AGBL1: variants seen among roughly 807,000 people sequenced by gnomAD.
AGBL1 encodes AGBL carboxypeptidase 1.
AGBL1 carries 130 observed loss-of-function variants against 118.9 expected under a neutral mutation model. That is an observed-to-expected ratio of 1.09 (90% CI 0.95 to 1.26). AGBL1 has a LOEUF of 1.26. Ranked by LOEUF, AGBL1 falls within the 50% of genes most tolerant of loss-of-function variation. The pLI, the probability that AGBL1 is intolerant of heterozygous loss-of-function variation, is 0.00. For missense variants in AGBL1, 1,584 were observed against 1,298.1 expected (o/e 1.22, Z -3.38); for synonymous variants, 555 against 478.9 (o/e 1.16, Z -2.08).
chr15:86,888,376 G>T (rs79597622), intron 22 of AGBL1, among the ~76,000 whole-genome samples: 1 of 149,628 alleles, frequency 6.7e-6, no homozygotes, highest in Admixed American at 6.7e-5. Flanking sequence ...AAAAAAAAAA[G>T]AATGCACCAA....
At chr15:86,628,509 A>C (rs892428116) in intron 21 of AGBL1, among the ~76,000 whole-genome samples, 1 of 152,150 alleles carries the variant, frequency 6.6e-6, no homozygotes, top group Admixed American at 6.5e-5. Flanking sequence ...CTTTAAAAAA[A>C]TTTTTGGCTG....
chr15:86,504,252 T>C (rs1008321773), intron 18 of AGBL1, among the ~76,000 whole-genome samples: 2 of 151,682 alleles, frequency 1.3e-5, no homozygotes, highest in East Asian at 1.9e-4. Flanking sequence ...TTCTTTTGGT[T>C]ACTGTTTGCA....
intron 21 of AGBL1, among the ~76,000 whole-genome samples, chr15:86,559,200 C>T (rs912257907): frequency 4.6e-5 from 7 of 152,266 alleles, no homozygotes; most frequent in Non-Finnish European, 1.0e-4. Context: ...AGGATGACCT[C>T]ATCTTAACTT....
chr15:86,299,413 G>T (rs1203759334), intron 17 of AGBL1, among the ~76,000 whole-genome samples: 2 of 152,134 alleles, frequency 1.3e-5, no homozygotes, highest in African/African-American at 4.8e-5. Flanking sequence ...GGGCAGTTAG[G>T]AAGCCCAGGC....
At chr15:86,429,978 A>G (rs1024560808) in intron 18 of AGBL1, among the ~76,000 whole-genome samples, 3 of 152,214 alleles carry the variant, frequency 2.0e-5, no homozygotes, top group Non-Finnish European at 2.9e-5. Flanking sequence ...GCACAATGGA[A>G]TAGAGCCTAT....
chr15:86,682,656 A>G (rs994704871), intron 22 of AGBL1, among the ~76,000 whole-genome samples: 3 of 152,158 alleles, frequency 2.0e-5, no homozygotes, highest in Non-Finnish European at 4.4e-5. Context: ...TATAAATAGT[A>G]CTTATTTCTC....
chr15:86,654,889 A>T (rs908564871), intron 21 of AGBL1, among the ~76,000 whole-genome samples: 9 of 152,264 alleles, frequency 5.9e-5, no homozygotes, highest in African/African-American at 2.2e-4. Flanking sequence ...CCAGGCACCG[A>T]GAGATTGCCA....
At chr15:86,210,913 T>G (rs906865575) in intron 5 of AGBL1, among the ~76,000 whole-genome samples, 7 of 152,218 alleles carry the variant, frequency 4.6e-5, no homozygotes, top group Non-Finnish European at 1.5e-5. Context: ...TTTTTAGAAT[T>G]TTCAGCTTTT....
In AGBL1 at chr15:86,728,204, C is replaced by T. The variant is rs529993890; in HGVS notation, c.3158+53768C>T. 7.2e-5 allele frequency among the ~76,000 whole-genome samples: 11 copies of T among 152,244 alleles called. No homozygotes were observed. The East Asian group carries it at 1.9e-3, about 27-fold the overall frequency. ...GTGAGGTCCAGCAAAACTAAGTAACCGTACCACAGTTACCCAGGAAATACA... is the reference window on the plus strand; with the variant it reads ...GTGAGGTCCAGCAAAACTAAGTAACTGTACCACAGTTACCCAGGAAATACA... On this transcript the variant is annotated intron_variant, in intron 22 of 22. Coordinates refer to ENST00000614907, the MANE Select transcript of AGBL1 (RefSeq NM_001386094.1).
At chr15:86,198,286 G>A (rs1196988204) in intron 5 of AGBL1, among the ~76,000 whole-genome samples, 2 of 152,140 alleles carry the variant, frequency 1.3e-5, no homozygotes, top group African/African-American at 4.8e-5. Flanking sequence ...TGAGCTCACA[G>A]CTATGGAGAA....
At chr15:86,130,293 C>T (rs117239990) in intron 1 of AGBL1, among the ~76,000 whole-genome samples, 1,933 of 152,176 alleles carry the variant, frequency 0.013, 25 homozygotes, top group East Asian at 0.061. Flanking sequence ...GCCACACTGT[C>T]AAAAATGGAA....
intron 18 of AGBL1, among the ~76,000 whole-genome samples, chr15:86,427,336 G>A (rs2081879124): frequency 6.6e-6 from 1 of 152,146 alleles, no homozygotes; most frequent in African/African-American, 2.4e-5. Flanking sequence ...ATGAATATTA[G>A]GGTCTTTCAT....
In AGBL1 at chr15:86,428,951, G is replaced by T. The variant is rs116260228; in HGVS notation, c.2555+31405G>T. Among the ~76,000 whole-genome samples the T allele has an allele frequency of 2.9e-3, 446 of 152,348 alleles. 3 individuals are homozygous for T. Among genetic ancestry groups the T allele is most frequent in the African/African-American group, 0.01 (420 of 41,588 alleles). On this transcript the variant is annotated intron_variant, in intron 18 of 22. Coordinates refer to ENST00000614907, the MANE Select transcript of AGBL1 (RefSeq NM_001386094.1). ...GATTCCATGGTGTGTCCCTGACGAGGTGGTGTCTTTGGGACCAGTGCTACT... is the reference window on the plus strand; with the variant it reads ...GATTCCATGGTGTGTCCCTGACGAGTTGGTGTCTTTGGGACCAGTGCTACT...
chr15:86,577,748 G>A lies in AGBL1; in HGVS notation c.2994+23211G>A, dbSNP rs575857787. Among the ~76,000 whole-genome samples, 4 of 152,320 alleles carry A rather than the reference G, an allele frequency of 2.6e-5. No homozygotes were observed. In the East Asian group the frequency reaches 7.7e-4, roughly 29 times the overall value. On this transcript the variant is annotated intron_variant, in intron 21 of 22. Coordinates refer to ENST00000614907, the MANE Select transcript of AGBL1 (RefSeq NM_001386094.1). ...TGTGGCTGAAAGGGGCCAACATAGAGCTCGGGCCATGGCTTCAGAGGGTGC... is the reference window on the plus strand; with the variant it reads ...TGTGGCTGAAAGGGGCCAACATAGAACTCGGGCCATGGCTTCAGAGGGTGC...
chr15:86,627,983 G>C (rs189456347), intron 21 of AGBL1, among the ~76,000 whole-genome samples: 1 of 152,318 alleles, frequency 6.6e-6, no homozygotes, highest in Middle Eastern at 3.4e-3. Flanking sequence ...ACACAGACAC[G>C]GGGCTGTTTA....
chr15:86,456,141 C>G (rs1327697393), intron 18 of AGBL1, among the ~76,000 whole-genome samples: 1 of 152,108 alleles, frequency 6.6e-6, no homozygotes, highest in Non-Finnish European at 1.5e-5. Flanking sequence ...GAAACTGTTC[C>G]TCTAGATTAA....
At chr15:86,970,332 T>C (rs1182949877) in intron 23 of AGBL1, among the ~76,000 whole-genome samples, 1 of 151,828 alleles carries the variant, frequency 6.6e-6, no homozygotes, top group African/African-American at 2.4e-5. Flanking sequence ...ATTTAAAGAG[T>C]TTTAGAAGTC....
At chr15:86,183,470 C>T (rs1456316155) in intron 5 of AGBL1, among the ~76,000 whole-genome samples, 1 of 152,092 alleles carries the variant, frequency 6.6e-6, no homozygotes, top group African/African-American at 2.4e-5. Flanking sequence ...GAGAAGACTC[C>T]AGGTCTCCTG....
In AGBL1 at chr15:86,439,096, C is replaced by T. The variant is rs554585536; in HGVS notation, c.2555+41550C>T. 9.9e-5 allele frequency among the ~76,000 whole-genome samples: 15 copies of T among 152,122 alleles called. No homozygotes were observed. The South Asian group carries it at 1.7e-3, about 17-fold the overall frequency. ...GGAATGCTGATGGGTGGAAGAGTCCCGATGAGGATGTCGTAATGGGGCAGT... is the reference window on the plus strand; with the variant it reads ...GGAATGCTGATGGGTGGAAGAGTCCTGATGAGGATGTCGTAATGGGGCAGT... On this transcript the variant is annotated intron_variant, in intron 18 of 22. Transcript: ENST00000614907.
Sources: allele counts gnomAD v4.1 joint callset (sites outside exome capture counted in the v4.1 genomes callset), GRCh38; gene constraint gnomAD v4.1.1; transcripts MANE v1.5; gene names NCBI Gene and HGNC (gene_info 2026-07-23, HGNC 2026-07-21).